CNKSR3: variants seen among roughly 807,000 people sequenced by gnomAD.
CNKSR3 encodes CNKSR family member 3, also known as connector enhancer of kinase suppressor of ras 3.
A neutral mutation model predicts 67.7 loss-of-function variants in CNKSR3; 36 were observed. The ratio of observed to expected loss-of-function variants is 0.53; its 90% CI spans 0.41 to 0.70. The LOEUF is 0.70. Among genes scored for constraint, CNKSR3 ranks in the 30% least tolerant of loss-of-function variants. CNKSR3 has a pLI of 0.00. For missense variants in CNKSR3, 630 were observed against 695.2 expected (o/e 0.91, Z 1.05); for synonymous variants, 281 against 271.4 (o/e 1.04, Z -0.35).
chr6:154,423,113 ACTTT>A, intron 7 of CNKSR3, 130 bp from the exon 8 acceptor site: 2 of 648,584 alleles, frequency 3.1e-6, no homozygotes, highest in Non-Finnish European at 5.4e-6. Context: ...AAAACAATGC[ACTTT>A]ATTCCCCTGA....
intron 6 of CNKSR3, among the ~76,000 whole-genome samples, chr6:154,429,351 C>T (rs1785317887): frequency 6.6e-6 from 1 of 152,206 alleles, no homozygotes. Flanking sequence ...TGATTCCTCT[C>T]CTATCCTGTT....
At chr6:154,496,903 T>G (rs916207845) in intron 1 of CNKSR3, among the ~76,000 whole-genome samples, 1 of 152,214 alleles carries the variant, frequency 6.6e-6, no homozygotes, top group Non-Finnish European at 1.5e-5. Flanking sequence ...AGGGGAGACG[T>G]CAGGCTCTAA....
rs183594588 is a variant in CNKSR3, at chr6:154,440,937, A to G, written c.507+355T>C. Reference sequence around the variant, plus strand: ...AAGAAAATTAAGAAGCAGATATAGTAAAGTACTCAGAACAAAGACTATCAT... The same window carrying G: ...AAGAAAATTAAGAAGCAGATATAGTGAAGTACTCAGAACAAAGACTATCAT... On this transcript the variant is annotated intron_variant, in intron 4 of 12. Coordinates refer to ENST00000607772, the MANE Select transcript of CNKSR3 (RefSeq NM_173515.4). Among the ~76,000 whole-genome samples, 27 of 152,228 alleles carry G rather than the reference A, an allele frequency of 1.8e-4. No individual in the cohort carries two copies. The East Asian group carries it at 5.2e-3, about 29-fold the overall frequency.
At position 154,400,899 on chromosome 6, in the gene CNKSR3, A is replaced by C. The variant is rs1258082815; in HGVS notation, c.*5455T>G. ...AGGTAAATTTTACAGTAAAGAGACT[A>C]ATTTTTTTCTAATTCCATATGCTAT... is the stretch of plus-strand genomic sequence containing the variant. On this transcript the variant is annotated 3_prime_UTR_variant, in exon 13 of 13. Coordinates refer to ENST00000607772, the MANE Select transcript of CNKSR3 (RefSeq NM_173515.4). 2.6e-5 allele frequency: 4 copies of C among 152,170 alleles called. No individual in the cohort carries two copies. Among genetic ancestry groups the C allele is most frequent in the African/African-American group, 9.7e-5 (4 of 41,446 alleles). The allele number at this position is 152,170 out of a possible 1,614,324, so 9.4% of individuals were successfully genotyped here.
At chr6:154,407,142 G>C (rs780144102) in intron 12 of CNKSR3, among the ~76,000 whole-genome samples, 3 of 152,180 alleles carry the variant, frequency 2.0e-5, no homozygotes, top group Non-Finnish European at 4.4e-5. Flanking sequence ...GAAATGGGAA[G>C]GGTCCCTCAT....
intron 1 of CNKSR3, among the ~76,000 whole-genome samples, chr6:154,473,571 T>G (rs1297943879): frequency 6.6e-6 from 1 of 152,018 alleles, no homozygotes; most frequent in East Asian, 1.9e-4. Context: ...ATGAGGACGT[T>G]GTACAGTGAG....
chr6:154,476,917 G>T (rs746217400), intron 1 of CNKSR3, among the ~76,000 whole-genome samples: 1 of 152,082 alleles, frequency 6.6e-6, no homozygotes, highest in Non-Finnish European at 1.5e-5. Context: ...CTTAAGGTTC[G>T]GTTATCAGGA....
rs972873164 is a variant in CNKSR3 at position 154,510,206 on chromosome 6, G to C, written c.-92C>G. ...TGCCCCTTCCCGGGAGGGCGCGCCC[G>C]CGGCTGCTCCCCTGCGCCCGAGCGA... On this transcript the variant is annotated 5_prime_UTR_variant, in exon 1 of 13. Transcript: ENST00000607772. 6.7e-7 allele frequency: 1 copy of C among 1,483,766 alleles called. No individual in the cohort carries two copies. The highest frequency in any genetic ancestry group is 1.4e-5 in the African/African-American group (1 of 72,424). The allele number at this position is 1,483,766 out of a possible 1,614,324, so 91.9% of individuals were successfully genotyped here.
Position 154,410,423 on chromosome 6 carries a change from C to G in CNKSR3, c.1289G>C (p.Arg430Pro). The G allele has an allele frequency of 6.2e-7, 1 of 1,613,618 alleles. No individual in the cohort carries two copies. The highest frequency in any genetic ancestry group is 8.5e-7 in the Non-Finnish European group (1 of 1,179,562). Residue 430 changes from arginine (R) to proline (P), a missense_variant, in exon 12 of 13, where the codon CGG becomes CCG. By Grantham distance (103) the Arg-to-Pro change is moderately radical. This residue lies in a region of CNKSR3 where 308 missense variants were observed against 299.6 expected (regional missense o/e 1.03). Transcript: ENST00000607772. ...CCCATCAGCAGGCATGGACAAAGGC[C>G]GTGGCTTGCCTTCAGAGGGACGAGA... ...REKTPSYGKP[R>P]PLSMPADGNW...
chr6:154,412,054 T>C (rs1784923632), intron 10 of CNKSR3, among the ~76,000 whole-genome samples: 1 of 152,212 alleles, frequency 6.6e-6, no homozygotes, highest in African/African-American at 2.4e-5. Context: ...TGCTTAGTTT[T>C]TTTGCACTTG....
intron 10 of CNKSR3, among the ~76,000 whole-genome samples, chr6:154,412,174 TGG>T (rs2128711527): frequency 6.6e-6 from 1 of 152,292 alleles, no homozygotes; most frequent in Non-Finnish European, 1.5e-5. Context: ...TATTCCCAGG[TGG>T]GATGGCATCC....
Position 154,443,003 on chromosome 6 carries a change from A to C in CNKSR3, c.217-713T>G, listed in dbSNP as rs567460444. Among the ~76,000 whole-genome samples the C allele has an allele frequency of 4.5e-4, 68 of 151,974 alleles. 3 individuals are homozygous for C. In the Middle Eastern group the frequency reaches 0.01, roughly 23 times the overall value. The stretch of plus-strand genomic sequence containing the variant: ...TTCCTAGGTTCACAGGTTCAAGTGA[A>C]TCTCCTGCCTCAGCCTCCTGAATAG... On this transcript the variant is annotated intron_variant, in intron 2 of 12. Coordinates refer to ENST00000607772, the MANE Select transcript of CNKSR3 (RefSeq NM_173515.4).
At chr6:154,474,941 AG>A (rs977125531) in intron 1 of CNKSR3, among the ~76,000 whole-genome samples, 8 of 152,298 alleles carry the variant, frequency 5.3e-5, no homozygotes, top group Admixed American at 2.0e-4. Flanking sequence ...GGGCCTCAGG[AG>A]GCTCCAGACC....
At chr6:154,472,347 C>T (rs1384710417) in intron 1 of CNKSR3, among the ~76,000 whole-genome samples, 1 of 152,150 alleles carries the variant, frequency 6.6e-6, no homozygotes, top group Non-Finnish European at 1.5e-5. Flanking sequence ...TAATAAAATA[C>T]TAAATAGTAT....
In CNKSR3 at chr6:154,400,103, T is replaced by G. The variant is rs942130627; in HGVS notation, c.*6251A>C. ...ACCTTTGAGGTTTATTTCTTAATTT[T>G]TTTCCTCCAACTTCAGTTTCACAAC... On this transcript the variant is annotated 3_prime_UTR_variant, in exon 13 of 13. Coordinates refer to ENST00000607772, the MANE Select transcript of CNKSR3 (RefSeq NM_173515.4). 3 of 152,184 alleles carry G rather than the reference T, an allele frequency of 2.0e-5. No individual in the cohort carries two copies. The highest frequency in any genetic ancestry group is 4.4e-5 in the Non-Finnish European group (3 of 68,032). The allele number at this position is 152,184 out of a possible 1,614,324, so 9.4% of individuals were successfully genotyped here. A position where few individuals can be genotyped will look rare whatever the true frequency, so the allele number is the denominator to read the frequency against.
At chr6:154,482,854 A>G (rs962618481) in intron 1 of CNKSR3, among the ~76,000 whole-genome samples, 1 of 152,246 alleles carries the variant, frequency 6.6e-6, no homozygotes, top group Non-Finnish European at 1.5e-5. Flanking sequence ...AAGGGTGAAT[A>G]TATGAAAGTA....
Position 154,397,249 on chromosome 6 carries a change from G to A in CNKSR3, c.*9105C>T, listed in dbSNP as rs975936825. ...GCTTCAGTGGCATTCTTTCATTGAGGAGAAATCTGCAGAAGGGTAGCACTT... is the reference window on the plus strand; with the variant it reads ...GCTTCAGTGGCATTCTTTCATTGAGAAGAAATCTGCAGAAGGGTAGCACTT... On this transcript the variant is annotated 3_prime_UTR_variant, in exon 13 of 13. Coordinates refer to ENST00000607772, the MANE Select transcript of CNKSR3 (RefSeq NM_173515.4). 5.9e-5 allele frequency: 9 copies of A among 152,192 alleles called. No individual in the cohort carries two copies. The highest frequency in any genetic ancestry group is 1.7e-4 in the African/African-American group (7 of 41,440). The allele number at this position is 152,192 out of a possible 1,614,324, so 9.4% of individuals were successfully genotyped here.
At chr6:154,507,127 C>T (rs562156658) in intron 1 of CNKSR3, among the ~76,000 whole-genome samples, 15 of 152,208 alleles carry the variant, frequency 9.9e-5, no homozygotes, top group Admixed American at 3.9e-4. Context: ...TTGTACAATG[C>T]TTAGACATGT....
At position 154,406,660 on chromosome 6, in the gene CNKSR3, C is replaced by G; in HGVS notation, c.1370-8G>C. The G allele has an allele frequency of 6.2e-7, 1 of 1,606,256 alleles. No individual in the cohort carries two copies. Among genetic ancestry groups the G allele is most frequent in the Non-Finnish European group, 8.5e-7 (1 of 1,175,080 alleles). The stretch of plus-strand genomic sequence containing the variant: ...GGCAAAGGGCATCCTCCCCTGTTTC[C>G]AGACAAAGTCCATTAAGTCACAATC... On this transcript the variant is annotated splice_region_variant and splice_polypyrimidine_tract_variant and intron_variant, in intron 12 of 12. Coordinates refer to ENST00000607772, the MANE Select transcript of CNKSR3 (RefSeq NM_173515.4).
Sources: allele counts gnomAD v4.1 joint callset (sites outside exome capture counted in the v4.1 genomes callset), GRCh38; gene constraint gnomAD v4.1.1; regional missense constraint gnomAD v4.1.1; transcripts MANE v1.5; gene names NCBI Gene and HGNC (gene_info 2026-07-23, HGNC 2026-07-21).